PTPRF: variants seen among roughly 807,000 people sequenced by gnomAD.
PTPRF encodes protein tyrosine phosphatase receptor type F.
In PTPRF, 59 loss-of-function variants were observed where a neutral mutation model predicts 201.8. The observed-to-expected ratio is 0.29, with a 90% CI of 0.24 to 0.36. The LOEUF (loss-of-function observed/expected upper bound fraction) is 0.36, where lower values mean the gene tolerates loss of function less well. Ranked by LOEUF, PTPRF falls within the 10% of genes least tolerant of loss-of-function variation. The pLI is 1.00. For missense variants in PTPRF, 2,132 were observed against 2,690.5 expected, an observed-to-expected ratio of 0.79 and a Z score of 4.59; for synonymous variants, 1,088 against 1,089.7, an observed-to-expected ratio of 1.00 and a Z score of 0.03.
At chr1:43,571,774 C>T (rs964632945) in intron 6 of PTPRF, among the ~76,000 whole-genome samples, 1 of 152,254 alleles carries the variant, frequency 6.6e-6, no homozygotes, top group Non-Finnish European at 1.5e-5. Context: ...CCTACCTGGT[C>T]AAGTGACGCT....
At chr1:43,590,815 G>A (rs1312969856) in intron 8 of PTPRF, among the ~76,000 whole-genome samples, 157 bp from the exon 9 acceptor site, 1 of 152,236 alleles carries the variant, frequency 6.6e-6, no homozygotes, top group Non-Finnish European at 1.5e-5. Flanking sequence ...GCCTTCAGAG[G>A]TCACCATAAG....
chr1:43,560,976 C>T (rs896642332), intron 5 of PTPRF, among the ~76,000 whole-genome samples: 1 of 152,166 alleles, frequency 6.6e-6, no homozygotes, highest in African/African-American at 2.4e-5. Context: ...AGCCTTGGAG[C>T]AGGCTCTGGG....
Position 43,542,909 on chromosome 1 carries a change from AG to A in PTPRF, c.-45-2121del, listed in dbSNP as rs1449436799. ...TGTGCATTTTATTTTCATAGCAGGGAGATATGCTCATGCTGGGGGCCTATGT... is the reference window on the plus strand; with the variant it reads ...TGTGCATTTTATTTTCATAGCAGGGAATATGCTCATGCTGGGGGCCTATGT... On this transcript the variant is annotated intron_variant, in intron 2 of 33. Coordinates refer to ENST00000359947, the MANE Select transcript of PTPRF (RefSeq NM_002840.5). This position sits in a 1 kb window ranked among gnomAD's most constrained non-coding sequence, Gnocchi z 5.2. Among the ~76,000 whole-genome samples, 1 of 152,094 alleles carries A rather than the reference AG, an allele frequency of 6.6e-6. No individual in the cohort carries two copies. The highest frequency in any genetic ancestry group is 1.5e-5 in the Non-Finnish European group (1 of 68,016).
At chr1:43,551,667 G>A (rs1470726624) in intron 3 of PTPRF, among the ~76,000 whole-genome samples, 2 of 152,092 alleles carry the variant, frequency 1.3e-5, no homozygotes, top group Non-Finnish European at 2.9e-5. Flanking sequence ...TTCACCCTCC[G>A]AGCCTCTATT....
chr1:43,594,443 G>A (rs972385924), intron 11 of PTPRF, among the ~76,000 whole-genome samples: 12 of 151,794 alleles, frequency 7.9e-5, no homozygotes, highest in Admixed American at 3.3e-4. Flanking sequence ...TGCAGTAGCT[G>A]CCGGATCTAT....
At position 43,597,932 on chromosome 1, in the gene PTPRF, C is replaced by T. The variant is rs982847366; in HGVS notation, c.1998C>T (p.His666=). The change falls in exon 12 of 34, where the codon CAC becomes CAT. Residue 666 remains histidine, a synonymous_variant. Coordinates refer to ENST00000359947, the MANE Select transcript of PTPRF (RefSeq NM_002840.5). ...RHVVDGISRE[H]SSWDLVGLEK... is the part of the protein sequence containing the mutation. Reference sequence around the variant, plus strand: ...TGGTGGATGGCATCAGCCGTGAGCACTCCAGCTGGGACCTGGTGGGCCTGG... The same window carrying T: ...TGGTGGATGGCATCAGCCGTGAGCATTCCAGCTGGGACCTGGTGGGCCTGG... 5 of 1,591,148 alleles carry T rather than the reference C, an allele frequency of 3.1e-6. No homozygotes were observed. Among genetic ancestry groups the T allele is most frequent in the Admixed American group, 1.8e-5 (1 of 56,680 alleles).
intron 3 of PTPRF, among the ~76,000 whole-genome samples, chr1:43,547,093 C>T (rs992731828): frequency 2.0e-5 from 3 of 152,106 alleles, no homozygotes; most frequent in Non-Finnish European, 2.9e-5. Context: ...CCTTCATTCC[C>T]TCCCACCCCC....
At chr1:43,621,287 C>G in intron 33 of PTPRF, 55 bp downstream of exon 33, 1 of 1,592,188 alleles carries the variant, frequency 6.3e-7, no homozygotes, top group Non-Finnish European at 8.6e-7. Context: ...TGCTGGGAAC[C>G]CTAGGCTTTA....
intron 13 of PTPRF, 34 bp downstream of exon 13, chr1:43,598,947 G>A: frequency 1.2e-6 from 2 of 1,600,662 alleles, no homozygotes; most frequent in Non-Finnish European, 1.7e-6. Context: ...GTGGCAGGGT[G>A]AGCACAGACC....
intron 12 of PTPRF, chr1:43,598,460 C>T (rs1448253017): frequency 3.9e-6 from 2 of 518,950 alleles, no homozygotes; most frequent in Non-Finnish European, 6.8e-6. Context: ...CCACCTCCAC[C>T]TGTTCCCCCA....
intron 24 of PTPRF, 36 bp downstream of exon 24, chr1:43,617,604 C>G: frequency 6.2e-7 from 1 of 1,612,606 alleles, no homozygotes; most frequent in Non-Finnish European, 8.5e-7. Flanking sequence ...TCCCCTTGCT[C>G]TCCCCCTTGC....
At chr1:43,617,299 C>G (rs1464777081) in intron 23 of PTPRF, 146 bp from the exon 24 acceptor site, 27 of 1,173,092 alleles carry the variant, frequency 2.3e-5, no homozygotes, top group Non-Finnish European at 3.2e-5. Flanking sequence ...AGCTCCATGG[C>G]TGGCACCACG....
Position 43,546,456 on chromosome 1 carries a change from A to C in PTPRF, c.91+1290A>C, listed in dbSNP as rs1644680585. On this transcript the variant is annotated intron_variant, in intron 3 of 33. Coordinates refer to ENST00000359947, the MANE Select transcript of PTPRF (RefSeq NM_002840.5). This position sits in a 1 kb window ranked among gnomAD's most constrained non-coding sequence, Gnocchi z 4.2. ...AGGCCTGGCTGGAACCTGCAGGGGC[A>C]GGTTGGAGTAGAAAGCCTTATCAGG... Among the ~76,000 whole-genome samples, 1 of 152,140 alleles carries C rather than the reference A, an allele frequency of 6.6e-6. No individual in the cohort carries two copies. Among genetic ancestry groups the C allele is most frequent in the Admixed American group, 6.5e-5 (1 of 15,282 alleles).
At position 43,531,009 on chromosome 1, in the gene PTPRF, AGGC is replaced by A; in HGVS notation, c.-197_-195del. ...CGGTGGCGGGAGCGGGACCAGGTGG[AGGC>A]GGCGGCGGCAGAGGAGTGGGAGCAG... is the stretch of plus-strand genomic sequence containing the variant. On this transcript the variant is annotated 5_prime_UTR_variant, in exon 1 of 34. Coordinates refer to ENST00000359947, the MANE Select transcript of PTPRF (RefSeq NM_002840.5). 1 of 156,138 alleles carries A rather than the reference AGGC, an allele frequency of 6.4e-6. No homozygotes were observed. Among genetic ancestry groups the A allele is most frequent in the Non-Finnish European group, 1.4e-5 (1 of 71,072 alleles). The allele number at this position is 156,138 out of a possible 1,614,324, so 9.7% of individuals were successfully genotyped here.
At chr1:43,590,786 G>A (rs1650473394) in intron 8 of PTPRF, among the ~76,000 whole-genome samples, 186 bp from the exon 9 acceptor site, 1 of 152,186 alleles carries the variant, frequency 6.6e-6, no homozygotes, top group African/African-American at 2.4e-5. Flanking sequence ...GACAGGCCTG[G>A]CCACTGTCCC....
At position 43,588,946 on chromosome 1, in the gene PTPRF, G is replaced by A. The variant is rs1269794866; in HGVS notation, c.895G>A (p.Val299Met). 2.5e-6 allele frequency: 4 copies of A among 1,592,284 alleles called. No homozygotes were observed. Among genetic ancestry groups the A allele is most frequent in the Admixed American group, 1.7e-5 (1 of 59,250 alleles). Residue 299 changes from valine (V) to methionine (M), a missense_variant, in exon 8 of 34, where the codon GTG becomes ATG. By Grantham distance (21) the Val-to-Met change is conservative. Coordinates refer to ENST00000359947, the MANE Select transcript of PTPRF (RefSeq NM_002840.5). The surrounding 1 kb of genome is among the most constrained non-coding windows in gnomAD (Gnocchi z 5.3). ...NVVRSANYTC[V>M]AISSLGMIEA... Reference sequence around the variant, plus strand: ...CGTACGCTCTGCCAACTACACCTGTGTGGCCATCTCCTCGCTGGGCATGAT... The same window carrying A: ...CGTACGCTCTGCCAACTACACCTGTATGGCCATCTCCTCGCTGGGCATGAT...
At chr1:43,604,471 G>A (rs1168068028) in intron 16 of PTPRF, among the ~76,000 whole-genome samples, 1 of 152,138 alleles carries the variant, frequency 6.6e-6, no homozygotes, top group Non-Finnish European at 1.5e-5. Context: ...TCTTGGGTGT[G>A]CAACCTCCTG....
chr1:43,595,986 G>C (rs1017670494), intron 11 of PTPRF, among the ~76,000 whole-genome samples: 3 of 152,162 alleles, frequency 2.0e-5, no homozygotes, highest in Non-Finnish European at 2.9e-5. Context: ...TAGGACGCCA[G>C]CCTGCCTCAG....
At chr1:43,559,891 G>A (rs1645677215) in intron 5 of PTPRF, among the ~76,000 whole-genome samples, 1 of 149,756 alleles carries the variant, frequency 6.7e-6, no homozygotes, top group South Asian at 2.1e-4. Flanking sequence ...GTATGTATCA[G>A]GCTGTGTGTG....
Sources: allele counts gnomAD v4.1 joint callset (sites outside exome capture counted in the v4.1 genomes callset), GRCh38; gene constraint gnomAD v4.1.1; non-coding constraint Gnocchi (gnomAD v3.1); transcripts MANE v1.5; gene names NCBI Gene and HGNC (gene_info 2026-07-23, HGNC 2026-07-21).